PCDH15: variants seen among roughly 807,000 people sequenced by gnomAD.
The protein encoded by PCDH15 is protocadherin related 15.
PCDH15 carries 129 observed loss-of-function variants against 178.5 expected under a neutral mutation model. The ratio of observed to expected loss-of-function variants is 0.72; its 90% confidence interval spans 0.63 to 0.84. The LOEUF (loss-of-function observed/expected upper bound fraction) is 0.84, where lower values mean the gene tolerates loss of function less well. PCDH15 is among the 40% of genes least tolerant of loss of function. The pLI is 0.00. For missense variants in PCDH15, 2,230 were observed against 2,099.9 expected (o/e 1.06, Z -1.21); for synonymous variants, 800 against 732.0 (o/e 1.09, Z -1.50).
At chr10:55,350,296 C>T (rs1055549122) in intron 2 of PCDH15, among the ~76,000 whole-genome samples, 10 of 142,590 alleles carry the variant, frequency 7.0e-5, no homozygotes, top group South Asian at 2.2e-4. Flanking sequence ...CATACATACA[C>T]ACACAAACAT....
chr10:54,873,811 T>C (rs1363556386), intron 3 of PCDH15, among the ~76,000 whole-genome samples: 1 of 148,624 alleles, frequency 6.7e-6, no homozygotes, highest in Non-Finnish European at 1.5e-5. Flanking sequence ...GCTCTACTGA[T>C]ATAAGAAAAA....
chr10:54,690,465 C>T (rs1249658632), intron 1 of PCDH15, among the ~76,000 whole-genome samples: 1 of 151,826 alleles, frequency 6.6e-6, no homozygotes. Context: ...CAGGAGCACG[C>T]CACCACTTCC....
intron 1 of PCDH15, among the ~76,000 whole-genome samples, chr10:54,743,315 G>C (rs939492842): frequency 3.9e-5 from 6 of 151,950 alleles, no homozygotes; most frequent in African/African-American, 1.4e-4. Flanking sequence ...CATATGTTCT[G>C]GGTACATTAA....
At chr10:54,962,896 AG>A (rs1350077662) in intron 2 of PCDH15, among the ~76,000 whole-genome samples, 1 of 152,168 alleles carries the variant, frequency 6.6e-6, no homozygotes, top group Non-Finnish European at 1.5e-5. Flanking sequence ...CCAAAGACAA[AG>A]GTTTCTGGCT....
intron 8 of PCDH15, among the ~76,000 whole-genome samples, chr10:54,273,344 A>G (rs1209937018): frequency 2.0e-5 from 3 of 150,966 alleles, no homozygotes; most frequent in Non-Finnish European, 4.4e-5. Context: ...AAGTAAAAAT[A>G]TATCAAAGAG....
At chr10:54,860,342 C>T (rs914433251) in intron 3 of PCDH15, among the ~76,000 whole-genome samples, 1 of 152,060 alleles carries the variant, frequency 6.6e-6, no homozygotes, top group Non-Finnish European at 1.5e-5. Context: ...TTGTTCCCAT[C>T]TTTATGTTCA....
chr10:55,480,778 T>C (rs1840162090), intron 2 of PCDH15, among the ~76,000 whole-genome samples: 1 of 151,900 alleles, frequency 6.6e-6, no homozygotes, highest in Non-Finnish European at 1.5e-5. Flanking sequence ...TCAAAGATAT[T>C]GGCCTGAAGT....
At chr10:55,135,658 T>C (rs1436011531) in intron 2 of PCDH15, among the ~76,000 whole-genome samples, 2 of 144,314 alleles carry the variant, frequency 1.4e-5, no homozygotes, top group African/African-American at 2.6e-5. Flanking sequence ...TCATGGCTCA[T>C]TGCAACCTCC....
chr10:55,590,026 T>C (rs1056222413), intron 2 of PCDH15, among the ~76,000 whole-genome samples: 3 of 146,474 alleles, frequency 2.0e-5, no homozygotes, highest in East Asian at 2.0e-4. Flanking sequence ...ATGTTTATTG[T>C]GGCACTATTC....
At chr10:53,964,380 A>ATTTATAAATTTTATGTATTCATAAAATT (rs2088721817) in intron 21 of PCDH15, among the ~76,000 whole-genome samples, 7 of 117,934 alleles carry the variant, frequency 5.9e-5, no homozygotes, top group Admixed American at 5.4e-4. Flanking sequence ...AAAAAAATTT[A>ATTTATAAATTTTATGTATTCATAAAATT]TTTATAAATT....
At chr10:54,263,594 A>G (rs1200926127) in intron 8 of PCDH15, among the ~76,000 whole-genome samples, 1 of 152,154 alleles carries the variant, frequency 6.6e-6, no homozygotes. Flanking sequence ...TTGCTAAAAC[A>G]AGCAACATCT....
At chr10:54,812,141 C>G (rs1952872941) in intron 3 of PCDH15, among the ~76,000 whole-genome samples, 2 of 151,998 alleles carry the variant, frequency 1.3e-5, no homozygotes, top group Admixed American at 1.3e-4. Flanking sequence ...AAAACAATCC[C>G]AAGTATCAAG....
intron 3 of PCDH15, among the ~76,000 whole-genome samples, chr10:54,482,524 G>C (rs569815711): frequency 6.6e-6 from 1 of 151,872 alleles, no homozygotes; most frequent in East Asian, 1.9e-4. Flanking sequence ...GTGTCCTTGT[G>C]AAAATGGATG....
At chr10:55,164,104 G>T (rs933267195) in intron 2 of PCDH15, among the ~76,000 whole-genome samples, 2 of 152,094 alleles carry the variant, frequency 1.3e-5, no homozygotes, top group Non-Finnish European at 2.9e-5. Context: ...ATGCAGTAGA[G>T]CCTACTATGG....
intron 2 of PCDH15, among the ~76,000 whole-genome samples, chr10:54,620,869 G>A (rs2134424198): frequency 6.6e-6 from 1 of 151,950 alleles, no homozygotes; most frequent in Middle Eastern, 3.4e-3. Flanking sequence ...TTACTGAAAA[G>A]CTGTGTATAA....
At chr10:55,573,077 T>G (rs2132111861) in intron 2 of PCDH15, among the ~76,000 whole-genome samples, 2 of 152,204 alleles carry the variant, frequency 1.3e-5, no homozygotes, top group Middle Eastern at 3.4e-3. Flanking sequence ...AACACCTGTT[T>G]CAAGATATGT....
intron 2 of PCDH15, among the ~76,000 whole-genome samples, chr10:54,635,512 C>T (rs2093827509): frequency 6.6e-6 from 1 of 151,624 alleles, no homozygotes; most frequent in Non-Finnish European, 1.5e-5. Flanking sequence ...TTGTGAAGTT[C>T]ACAGTAATAT....
At chr10:54,756,427 C>G (rs1299437120) in intron 1 of PCDH15, among the ~76,000 whole-genome samples, 2 of 151,970 alleles carry the variant, frequency 1.3e-5, no homozygotes, top group African/African-American at 4.8e-5. Context: ...GACTACAGTG[C>G]AGGACTCCAT....
intron 37 of PCDH15, 141 bp downstream of exon 37, chr10:53,810,415 C>T: frequency 1.4e-6 from 1 of 689,960 alleles, no homozygotes; most frequent in Admixed American, 2.2e-5. Context: ...AAACGGTCAG[C>T]ACTGTGAAAT....
Sources: allele counts gnomAD v4.1 joint callset (sites outside exome capture counted in the v4.1 genomes callset), GRCh38; gene constraint gnomAD v4.1.1; transcripts MANE v1.5; gene names NCBI Gene and HGNC (gene_info 2026-07-23, HGNC 2026-07-21).